The following LRBA variants were observed in gnomAD, a reference collection of about 807,000 sequenced individuals.
LRBA encodes lipopolysaccharide-responsive and beige-like anchor protein.
LRBA carries 176 observed loss-of-function variants against 330.0 expected under a neutral mutation model. That is an observed-to-expected ratio of 0.53 (90% confidence interval 0.47 to 0.60). The LOEUF is 0.60. Ranked by LOEUF, LRBA falls within the 20% of genes least tolerant of loss-of-function variation. LRBA has a pLI of 0.00. For missense variants in LRBA, 3,259 were observed against 3,444.8 expected (o/e 0.95, Z 1.35); for synonymous variants, 1,230 against 1,193.0 (o/e 1.03, Z -0.64).
At chr4:150,857,760 C>T (rs946312911) in intron 22 of LRBA, among the ~76,000 whole-genome samples, 16 of 151,932 alleles carry the variant, frequency 1.1e-4, no homozygotes, top group Non-Finnish European at 2.1e-4. Flanking sequence ...TTGGAGAATG[C>T]CAGAATATAA....
intron 2 of LRBA, among the ~76,000 whole-genome samples, chr4:150,953,447 C>T (rs1378319563): frequency 6.7e-6 from 1 of 149,366 alleles, no homozygotes; most frequent in African/African-American, 2.5e-5. Context: ...GCCATCTCGG[C>T]TCACTGCAAC....
At chr4:150,283,871 C>A (rs1025224648) in intron 54 of LRBA, among the ~76,000 whole-genome samples, 1 of 152,186 alleles carries the variant, frequency 6.6e-6, no homozygotes, top group Non-Finnish European at 1.5e-5. Flanking sequence ...CAAAATATGT[C>A]GATGACTGCT....
intron 46 of LRBA, chr4:150,423,252 C>G (rs1749075672): frequency 2.7e-6 from 3 of 1,126,430 alleles, no homozygotes; most frequent in Non-Finnish European, 4.0e-6. Context: ...AGCTGACACG[C>G]AGCCGCCTCC....
chr4:150,666,127 T>C (rs1003353668), intron 37 of LRBA, among the ~76,000 whole-genome samples: 10 of 152,206 alleles, frequency 6.6e-5, no homozygotes, highest in African/African-American at 1.4e-4. Flanking sequence ...GATGGTTTCA[T>C]GGATAGACAT....
intron 44 of LRBA, among the ~76,000 whole-genome samples, chr4:150,465,155 T>C (rs1243576077): frequency 6.6e-6 from 1 of 152,140 alleles, no homozygotes; most frequent in Admixed American, 6.6e-5. Context: ...CATACAGTAT[T>C]TGCCTTTTTG....
At chr4:150,556,729 G>T (rs7674861) in intron 40 of LRBA, among the ~76,000 whole-genome samples, 102,696 of 152,060 alleles carry the variant, frequency 0.68, 34,635 homozygotes, top group Admixed American at 0.71. Context: ...TTTGGATTTT[G>T]AAAAGACATC....
chr4:150,357,222 G>A (rs560425780), intron 47 of LRBA, among the ~76,000 whole-genome samples: 23 of 152,086 alleles, frequency 1.5e-4, no homozygotes, highest in East Asian at 7.7e-4. Flanking sequence ...AGTTAGTATC[G>A]TATCTTGATA....
chr4:150,890,831 G>GACGCCCT (rs1433974196), intron 17 of LRBA, among the ~76,000 whole-genome samples: 1 of 152,098 alleles, frequency 6.6e-6, no homozygotes, highest in Non-Finnish European at 1.5e-5. Context: ...ATAAAGTATA[G>GACGCCCT]ACTTTCCTTG....
intron 56 of LRBA, among the ~76,000 whole-genome samples, chr4:150,273,391 G>A (rs1221936508): frequency 1.3e-5 from 2 of 152,104 alleles, no homozygotes; most frequent in East Asian, 3.9e-4. Flanking sequence ...CGCTATGAAG[G>A]AAACTGCATC....
At chr4:150,491,210 A>G (rs1758902995) in intron 40 of LRBA, among the ~76,000 whole-genome samples, 175 bp from the exon 41 acceptor site, 1 of 152,040 alleles carries the variant, frequency 6.6e-6, no homozygotes, top group African/African-American at 2.4e-5. Flanking sequence ...TTTATAGAAA[A>G]GAAGCTTAAA....
At chr4:150,624,310 CA>C (rs11301318) in intron 37 of LRBA, among the ~76,000 whole-genome samples, 130,176 of 140,380 alleles carry the variant, frequency 0.93, 60,474 homozygotes, top group Non-Finnish European at 0.97. Flanking sequence ...ACCTCCCTAT[CA>C]AAAAAAAAAA....
intron 44 of LRBA, among the ~76,000 whole-genome samples, chr4:150,444,735 T>C (rs1262503143): frequency 6.6e-6 from 1 of 152,192 alleles, no homozygotes; most frequent in Non-Finnish European, 1.5e-5. Flanking sequence ...ATTAAATATA[T>C]ACTCACTACA....
intron 13 of LRBA, among the ~76,000 whole-genome samples, chr4:150,902,291 T>C (rs17027193): frequency 0.028 from 4,232 of 152,250 alleles, 184 homozygotes; most frequent in African/African-American, 0.097. Flanking sequence ...AAAATGATGG[T>C]TGAAATAAAG....
At chr4:150,975,349 G>C (rs575130408) in intron 2 of LRBA, among the ~76,000 whole-genome samples, 1 of 152,114 alleles carries the variant, frequency 6.6e-6, no homozygotes, top group East Asian at 1.9e-4. Context: ...GGCCAACGTG[G>C]TGAAACCCCA....
chr4:150,654,683 T>C (rs555657125), intron 37 of LRBA, among the ~76,000 whole-genome samples: 1 of 152,178 alleles, frequency 6.6e-6, no homozygotes, highest in South Asian at 2.1e-4. Flanking sequence ...CCTAATGCTA[T>C]CCCTACCCCC....
At position 150,916,258 on chromosome 4, in the gene LRBA, T is replaced by A. The variant is rs973261461; in HGVS notation, c.894+143A>T. The A allele has an allele frequency of 5.4e-6, 4 of 746,874 alleles. No individual in the cohort carries two copies. In the African/African-American group the frequency reaches 7.2e-5, roughly 13 times the overall value. 46.3% of individuals were successfully genotyped at this position (746,874 alleles called of 1,614,324 possible). On this transcript the variant is annotated intron_variant, in intron 7 of 56. Transcript: ENST00000651943. ...ATATCCAAATCAGAGAGGTCAATTA[T>A]TCAGTGATTTACGCTTCATCTTTTT...
intron 47 of LRBA, among the ~76,000 whole-genome samples, chr4:150,407,053 GA>G (rs777045513): frequency 6.6e-6 from 1 of 152,194 alleles, no homozygotes; most frequent in Non-Finnish European, 1.5e-5. Context: ...AAAGTGCTGG[GA>G]TTACAGGCAT....
intron 40 of LRBA, among the ~76,000 whole-genome samples, chr4:150,558,322 G>T (rs564482531): frequency 6.6e-6 from 1 of 152,240 alleles, no homozygotes; most frequent in African/African-American, 2.4e-5. Context: ...CTATAAGGGA[G>T]ATTTAACTCT....
chr4:150,910,701 A>T (rs1393010606), intron 9 of LRBA, among the ~76,000 whole-genome samples: 1 of 152,178 alleles, frequency 6.6e-6, no homozygotes, highest in Non-Finnish European at 1.5e-5. Context: ...TATTTATGCA[A>T]AAAATGCCAT....
Sources: allele counts gnomAD v4.1 joint callset (sites outside exome capture counted in the v4.1 genomes callset), GRCh38; gene constraint gnomAD v4.1.1; transcripts MANE v1.5; gene names NCBI Gene and HGNC (gene_info 2026-07-23, HGNC 2026-07-21).